The following ACTN4 variants were observed in gnomAD, a reference collection of about 807,000 sequenced individuals.
ACTN4 encodes the protein actinin alpha 4.
ACTN4 carries 18 observed loss-of-function variants against 114.2 expected under a neutral mutation model. The ratio of observed to expected loss-of-function variants is 0.16; its 90% CI spans 0.11 to 0.23. The LOEUF (loss-of-function observed/expected upper bound fraction) is 0.23, where lower values mean the gene tolerates loss of function less well. Ranked by LOEUF, ACTN4 falls within the 10% of genes least tolerant of loss-of-function variation. The pLI is 1.00. For synonymous variants in ACTN4, 515 were observed against 506.3 expected (o/e 1.02, Z -0.23); for missense variants, 722 against 1,262.9 (o/e 0.57, Z 6.49).
At chr19:38,710,489 G>T in intron 8 of ACTN4, 147 bp downstream of exon 8, 1 of 837,504 alleles carries the variant, frequency 1.2e-6, no homozygotes. Context: ...TGGCGTTGCT[G>T]CCCCCTCAGC....
At chr19:38,676,566 CAT>C (rs1181941274) in intron 1 of ACTN4, among the ~76,000 whole-genome samples, 2 of 152,208 alleles carry the variant, frequency 1.3e-5, no homozygotes, top group East Asian at 1.9e-4. Context: ...CAGAACACCA[CAT>C]GTGTCCTTCC....
chr19:38,649,550 C>T (rs1033302936), intron 1 of ACTN4, among the ~76,000 whole-genome samples: 3 of 152,084 alleles, frequency 2.0e-5, no homozygotes, highest in Non-Finnish European at 2.9e-5. Flanking sequence ...GCAAAGGGAT[C>T]CGAGGGTTCC....
intron 1 of ACTN4, among the ~76,000 whole-genome samples, chr19:38,680,777 T>A (rs1055984936): frequency 1.3e-5 from 2 of 152,162 alleles, no homozygotes; most frequent in Non-Finnish European, 2.9e-5. Flanking sequence ...ACCTTCCTCC[T>A]TCTCTTTATT....
At chr19:38,660,043 C>T (rs1400608882) in intron 1 of ACTN4, among the ~76,000 whole-genome samples, 1 of 151,958 alleles carries the variant, frequency 6.6e-6, no homozygotes, top group African/African-American at 2.4e-5. Context: ...CTGCCTCAGC[C>T]TTCCAAATAG....
At position 38,729,031 on chromosome 19, in the gene ACTN4, C is replaced by T. The variant is rs748580813; in HGVS notation, c.2454C>T (p.Val818=). ...AGTTCAACCGCATCATGAGCCTGGT[C>T]GACCCCAACCATAGCGGCCTTGTGA... ...EAEFNRIMSL[V]DPNHSGLVTF... is the part of the protein sequence containing the mutation. Residue 818 remains valine (V), a synonymous_variant, in exon 20 of 21, where the codon GTC becomes GTT. Transcript: ENST00000252699. 4 of 1,613,442 alleles carry T rather than the reference C, an allele frequency of 2.5e-6. No individual in the cohort carries two copies. The highest frequency in any genetic ancestry group is 2.2e-5 in the East Asian group (1 of 44,886).
intron 1 of ACTN4, 134 bp downstream of exon 1, chr19:38,648,041 G>A (rs1329478582): frequency 4.4e-6 from 5 of 1,145,498 alleles, no homozygotes; most frequent in Admixed American, 3.8e-5. Context: ...TGGCGGGTCC[G>A]GGAAGGGAAT....
rs1206252798 is a variant in ACTN4 at position 38,717,079 on chromosome 19, C to G, written c.913-7C>G. 1.9e-6 allele frequency: 3 copies of G among 1,610,964 alleles called. No individual in the cohort carries two copies. The East Asian group carries it at 6.7e-5, about 36-fold the overall frequency. On this transcript the variant is annotated splice_region_variant and splice_polypyrimidine_tract_variant and intron_variant, in intron 9 of 20. Coordinates refer to ENST00000252699, the MANE Select transcript of ACTN4 (RefSeq NM_004924.6). This position sits in a 1 kb window ranked among gnomAD's most constrained non-coding sequence, Gnocchi z 4.0. ...ACAAAGGCCACGCTGGCTTCTGTGG[C>G]CCACAGCTCCTGGAGTGGATCCGGC...
intron 8 of ACTN4, among the ~76,000 whole-genome samples, chr19:38,713,005 A>G (rs541531235): frequency 1.4e-4 from 21 of 152,130 alleles, no homozygotes; most frequent in Admixed American, 1.3e-4. Context: ...GGCTGGTCAG[A>G]AAGGAAAGTG....
Position 38,723,470 on chromosome 19 carries a change from A to G in ACTN4, c.1443-144A>G, listed in dbSNP as rs1969115431. The G allele has an allele frequency of 5.5e-6, 4 of 722,534 alleles. No homozygotes were observed. The East Asian group carries it at 8.1e-5, about 15-fold the overall frequency. 44.8% of individuals were successfully genotyped at this position (722,534 alleles called of 1,614,324 possible). ...TGGGCCAGAACCAAGCTGTGATTTG[A>G]TTGACCAATTAGTGATTGGTTGCTG... On this transcript the variant is annotated intron_variant, in intron 12 of 20. Transcript: ENST00000252699.
chr19:38,728,876 C>A, intron 19 of ACTN4, 120 bp from the exon 20 acceptor site: 1 of 1,286,500 alleles, frequency 7.8e-7, no homozygotes, highest in Non-Finnish European at 1.1e-6. Flanking sequence ...ACAGGGCGCA[C>A]GCACACGTGG....
rs1169852592 is a variant in ACTN4, at chr19:38,717,654, G to T, written c.1144-273G>T. On this transcript the variant is annotated intron_variant, in intron 10 of 20. Coordinates refer to ENST00000252699, the MANE Select transcript of ACTN4 (RefSeq NM_004924.6). This position sits in a 1 kb window ranked among gnomAD's most constrained non-coding sequence, Gnocchi z 4.0. Reference sequence around the variant, plus strand: ...GAGGCCCTTCATCAGCGGAGGGGCAGTGCGCCCTGGACGGTACCACCTCCC... The same window carrying T: ...GAGGCCCTTCATCAGCGGAGGGGCATTGCGCCCTGGACGGTACCACCTCCC... Among the ~76,000 whole-genome samples, 3 of 152,226 alleles carry T rather than the reference G, an allele frequency of 2.0e-5. No individual in the cohort carries two copies. The highest frequency in any genetic ancestry group is 4.4e-5 in the Non-Finnish European group (3 of 68,038).
intron 1 of ACTN4, among the ~76,000 whole-genome samples, chr19:38,654,691 C>G (rs549699207): frequency 2.6e-5 from 4 of 152,188 alleles, no homozygotes; most frequent in South Asian, 4.2e-4. Context: ...TAAAAATCCC[C>G]GAGGCATTTG....
chr19:38,648,472 TGTG>T (rs1452265784), intron 1 of ACTN4, among the ~76,000 whole-genome samples: 1 of 151,132 alleles, frequency 6.6e-6, no homozygotes, highest in African/African-American at 2.4e-5. Flanking sequence ...GAGTGGAGAT[TGTG>T]GGGTCTGAAG....
At chr19:38,671,003 T>A (rs1967110963) in intron 1 of ACTN4, among the ~76,000 whole-genome samples, 1 of 151,970 alleles carries the variant, frequency 6.6e-6, no homozygotes, top group South Asian at 2.1e-4. Context: ...ACCCCTAACC[T>A]TGCATGGTCT....
At chr19:38,713,217 C>G (rs938733237) in intron 8 of ACTN4, among the ~76,000 whole-genome samples, 5 of 152,244 alleles carry the variant, frequency 3.3e-5, no homozygotes, top group African/African-American at 1.2e-4. Flanking sequence ...GTTCCCGCCT[C>G]GTTCCTTTAT....
At chr19:38,673,833 A>AGT (rs1474367937) in intron 1 of ACTN4, among the ~76,000 whole-genome samples, 1 of 119,124 alleles carries the variant, frequency 8.4e-6, no homozygotes, top group African/African-American at 3.4e-5. Flanking sequence ...CCCAGGCTGG[A>AGT]GTGCAGTAGC....
intron 1 of ACTN4, among the ~76,000 whole-genome samples, chr19:38,666,971 A>G (rs978124841): frequency 1.3e-5 from 2 of 152,124 alleles, no homozygotes; most frequent in Non-Finnish European, 2.9e-5. Flanking sequence ...GAGTCTAGGG[A>G]TGTGCCAGGT....
intron 11 of ACTN4, among the ~76,000 whole-genome samples, chr19:38,718,693 C>A (rs112610044): frequency 2.0e-5 from 3 of 152,200 alleles, no homozygotes; most frequent in Admixed American, 1.3e-4. Flanking sequence ...TCCAGCACTT[C>A]AGGGAAGTGA....
chr19:38,655,218 A>G (rs1447300007), intron 1 of ACTN4, among the ~76,000 whole-genome samples: 2 of 152,220 alleles, frequency 1.3e-5, no homozygotes, highest in Admixed American at 1.3e-4. Flanking sequence ...GGCCATAAAT[A>G]TAATAGAAGG....
Sources: allele counts gnomAD v4.1 joint callset (sites outside exome capture counted in the v4.1 genomes callset), GRCh38; gene constraint gnomAD v4.1.1; non-coding constraint Gnocchi (gnomAD v3.1); transcripts MANE v1.5; gene names NCBI Gene and HGNC (gene_info 2026-07-23, HGNC 2026-07-21).